The following KDM4C variants were observed in gnomAD, a reference collection of about 807,000 sequenced individuals.
KDM4C encodes lysine demethylase 4C, also known as lysine-specific demethylase 4C.
Under a neutral mutation model 129.3 loss-of-function variants are expected in KDM4C, and 81 were observed. The observed-to-expected ratio is 0.63, with a 90% CI of 0.52 to 0.75. The LOEUF is 0.75. Among genes scored for constraint, KDM4C ranks in the 30% least tolerant of loss-of-function variants. The pLI is 0.00. For missense variants in KDM4C, 1,457 were observed against 1,304.0 expected, an observed-to-expected ratio of 1.12 and a Z score of -1.81; for synonymous variants, 573 against 456.1, an observed-to-expected ratio of 1.26 and a Z score of -3.26.
intron 8 of KDM4C, among the ~76,000 whole-genome samples, chr9:6,893,954 G>T (rs1846465576): frequency 6.6e-6 from 1 of 152,184 alleles, no homozygotes; most frequent in Admixed American, 6.5e-5. Context: ...TAAGGGAAAG[G>T]TGCAGGCTGG....
chr9:7,132,355 G>A (rs992221839), intron 19 of KDM4C, among the ~76,000 whole-genome samples: 3 of 152,162 alleles, frequency 2.0e-5, no homozygotes, highest in Non-Finnish European at 4.4e-5. Context: ...AAATGCTTAC[G>A]TTAGCGTTAT....
intron 15 of KDM4C, among the ~76,000 whole-genome samples, chr9:7,029,289 C>T (rs1443780929): frequency 2.0e-5 from 2 of 101,084 alleles, no homozygotes; most frequent in East Asian, 6.1e-4. Flanking sequence ...GGTTTCCCCC[C>T]ACCGTTTTTT....
intron 18 of KDM4C, among the ~76,000 whole-genome samples, chr9:7,121,083 C>G (rs955293624): frequency 6.6e-6 from 1 of 152,168 alleles, no homozygotes; most frequent in Non-Finnish European, 1.5e-5. Context: ...TCTCAGTGTT[C>G]CTTTTTTCTA....
At chr9:6,738,494 C>CAAGATCAGAGGT (rs1817596257) in intron 1 of KDM4C, among the ~76,000 whole-genome samples, 1 of 151,810 alleles carries the variant, frequency 6.6e-6, no homozygotes, top group South Asian at 2.1e-4. Context: ...AGGGCAATGG[C>CAAGATCAGAGGT]AAGATCAGAG....
At position 6,960,684 on chromosome 9, in the gene KDM4C, G is replaced by A. The variant is rs1805384639; in HGVS notation, c.922-20241G>A. Among the ~76,000 whole-genome samples the A allele has an allele frequency of 2.0e-5, 3 of 152,172 alleles. No individual in the cohort carries two copies. In the South Asian group the frequency reaches 6.2e-4, roughly 32 times the overall value. ...CACTGACACAAATTTTCATGTACAT[G>A]TGTATCCATTTGTCCCATATCTGAA... On this transcript the variant is annotated intron_variant, in intron 8 of 21. Coordinates refer to ENST00000381309, the MANE Select transcript of KDM4C (RefSeq NM_015061.6).
intron 12 of KDM4C, among the ~76,000 whole-genome samples, chr9:7,002,339 A>G (rs1820880681): frequency 6.6e-6 from 1 of 152,172 alleles, no homozygotes; most frequent in Admixed American, 6.5e-5. Context: ...GACAATTTAT[A>G]ATTGTATAAA....
At position 6,804,714 on chromosome 9, in the gene KDM4C, G is replaced by A. The variant is rs143938317; in HGVS notation, c.145-885G>A. ...GCGGAGGTTGCAGTGAGCTGAGATCGTGCCACTGCTCCCCAGCCGAGTAAC... is the reference window on the plus strand; with the variant it reads ...GCGGAGGTTGCAGTGAGCTGAGATCATGCCACTGCTCCCCAGCCGAGTAAC... On this transcript the variant is annotated intron_variant, in intron 2 of 21. Coordinates refer to ENST00000381309, the MANE Select transcript of KDM4C (RefSeq NM_015061.6). Among the ~76,000 whole-genome samples the A allele has an allele frequency of 2.0e-3, 298 of 149,818 alleles. 3 individuals are homozygous for A. The highest frequency in any genetic ancestry group is 6.8e-3 in the African/African-American group (277 of 40,714).
intron 19 of KDM4C, among the ~76,000 whole-genome samples, chr9:7,143,183 T>C (rs933341008): frequency 2.0e-5 from 3 of 152,348 alleles, no homozygotes; most frequent in Admixed American, 6.5e-5. Flanking sequence ...CCCAACACTT[T>C]GGCATGTTTT....
chr9:7,140,241 G>A (rs565031906), intron 19 of KDM4C, among the ~76,000 whole-genome samples: 1 of 152,324 alleles, frequency 6.6e-6, no homozygotes, highest in Admixed American at 6.5e-5. Context: ...ATGTGGCAGG[G>A]GCTGAGGAGG....
intron 8 of KDM4C, among the ~76,000 whole-genome samples, chr9:6,913,397 C>G (rs2131106473): frequency 6.6e-6 from 1 of 152,306 alleles, no homozygotes; most frequent in East Asian, 1.9e-4. Flanking sequence ...TTTAAAGAAT[C>G]TAATGCACTG....
chr9:6,795,803 C>T (rs1410594229), intron 2 of KDM4C, among the ~76,000 whole-genome samples: 1 of 151,860 alleles, frequency 6.6e-6, no homozygotes, highest in Non-Finnish European at 1.5e-5. Flanking sequence ...CCGCAATTAG[C>T]TGGGATTACA....
At chr9:6,990,334 T>C (rs1299648172) in intron 11 of KDM4C, 82 bp from the exon 12 acceptor site, 2 of 897,554 alleles carry the variant, frequency 2.2e-6, no homozygotes, top group Non-Finnish European at 3.6e-6. Flanking sequence ...AAGTGATAAA[T>C]AATTGTGAAC....
At chr9:6,825,439 T>C (rs1223758811) in intron 4 of KDM4C, among the ~76,000 whole-genome samples, 2 of 152,204 alleles carry the variant, frequency 1.3e-5, no homozygotes, top group East Asian at 3.8e-4. Flanking sequence ...TGCAGAGATC[T>C]TAGGGCAAGG....
intron 12 of KDM4C, among the ~76,000 whole-genome samples, chr9:7,002,528 CT>C (rs1414252025): frequency 1.3e-5 from 2 of 152,070 alleles, no homozygotes; most frequent in Non-Finnish European, 2.9e-5. Flanking sequence ...GCTCTTTCTC[CT>C]TTTTCACCTA....
In KDM4C at chr9:7,014,124, C is replaced by T. The variant is rs114456351; in HGVS notation, c.2182+123C>T. 1.7e-3 allele frequency: 1,169 copies of T among 702,840 alleles called. 16 individuals carry two copies. In the African/African-American group the frequency reaches 0.018, roughly 11 times the overall value. 43.5% of individuals were successfully genotyped at this position (702,840 alleles called of 1,614,324 possible). A position where few individuals can be genotyped will look rare whatever the true frequency, so the allele number is the denominator to read the frequency against. ...CTATTGGCATTCTTAATGGTTATAT[C>T]ATTCTTTTTCATATTTCTGCTGGTA... On this transcript the variant is annotated intron_variant, in intron 14 of 21. Transcript: ENST00000381309.
intron 17 of KDM4C, among the ~76,000 whole-genome samples, chr9:7,094,890 G>T (rs1379043794): frequency 1.3e-5 from 2 of 152,148 alleles, no homozygotes. Flanking sequence ...CAATTCATGG[G>T]TGACAGTTTC....
chr9:6,740,492 T>C (rs7019022), intron 1 of KDM4C, among the ~76,000 whole-genome samples: 19,164 of 151,552 alleles, frequency 0.13, 1,567 homozygotes, highest in African/African-American at 0.23. Flanking sequence ...CGTGAGCCAC[T>C]GCGCCTGGCC....
chr9:7,151,964 T>C (rs1047910682), intron 19 of KDM4C, among the ~76,000 whole-genome samples: 4 of 152,236 alleles, frequency 2.6e-5, no homozygotes, highest in African/African-American at 7.2e-5. Flanking sequence ...ATGTATAGTT[T>C]AGGCTGCGAG....
chr9:7,065,288 A>G (rs1451384315), intron 17 of KDM4C, among the ~76,000 whole-genome samples: 2 of 152,112 alleles, frequency 1.3e-5, no homozygotes, highest in African/African-American at 4.8e-5. Context: ...TGGGAATATA[A>G]AATATATTCC....
Sources: allele counts gnomAD v4.1 joint callset (sites outside exome capture counted in the v4.1 genomes callset), GRCh38; gene constraint gnomAD v4.1.1; transcripts MANE v1.5; gene names NCBI Gene and HGNC (gene_info 2026-07-23, HGNC 2026-07-21).